Variants in RIMBP2 observed in about 807,000 individuals in gnomAD.
The protein encoded by RIMBP2 is RIMS-binding protein 2.
A neutral mutation model predicts 118.6 loss-of-function variants in RIMBP2; 48 were observed. That is an observed-to-expected ratio of 0.40 (90% CI 0.32 to 0.51). The LOEUF (loss-of-function observed/expected upper bound fraction) is 0.51. Ranked by LOEUF, RIMBP2 falls within the 20% of genes least tolerant of loss-of-function variation. The pLI is 0.41. For synonymous variants in RIMBP2, 762 were observed against 742.9 expected (o/e 1.03, Z -0.42); for missense variants, 1,551 against 1,768.3 (o/e 0.88, Z 2.20).
chr12:130,659,802 A>G (rs150677210), intron 1 of RIMBP2, among the ~76,000 whole-genome samples: 7 of 151,660 alleles, frequency 4.6e-5, no homozygotes, highest in Non-Finnish European at 2.9e-5. Flanking sequence ...GTGAAACCTC[A>G]TCTCTACTAA....
intron 1 of RIMBP2, among the ~76,000 whole-genome samples, chr12:130,690,967 C>T (rs1378614191): frequency 2.0e-5 from 3 of 152,102 alleles, no homozygotes; most frequent in Non-Finnish European, 1.5e-5. Context: ...GTGAGATGCC[C>T]TGTAATTCAC....
intron 14 of RIMBP2, chr12:130,429,429 A>T (rs908672090): frequency 1.3e-5 from 2 of 152,192 alleles, no homozygotes; most frequent in African/African-American, 4.8e-5. Context: ...CTGGGTTTCC[A>T]CTCACAGAGA....
intron 18 of RIMBP2, among the ~76,000 whole-genome samples, 178 bp from the exon 19 acceptor site, chr12:130,412,965 C>T (rs935282496): frequency 6.6e-6 from 1 of 152,136 alleles, no homozygotes; most frequent in East Asian, 1.9e-4. Context: ...ATGTAACCCT[C>T]GCTCTATGAC....
intron 14 of RIMBP2, chr12:130,429,405 G>A (rs1286395140): frequency 2.6e-5 from 4 of 152,198 alleles, no homozygotes; most frequent in East Asian, 1.9e-4. Context: ...CAGTGATGGT[G>A]CCAGCAGCAG....
chr12:130,621,263 G>A lies in RIMBP2; in HGVS notation c.-217+7059C>T, dbSNP rs1258637339. Among the ~76,000 whole-genome samples the A allele has an allele frequency of 6.6e-6, 1 of 152,144 alleles. No individual in the cohort carries two copies. The highest frequency in any genetic ancestry group is 1.5e-5 in the Non-Finnish European group (1 of 68,020). ...CCTCCCCATGAGAGAAAAGCAGGGGGCACGTGCCATGGTCGTACACAGCCC... is the reference window on the plus strand; with the variant it reads ...CCTCCCCATGAGAGAAAAGCAGGGGACACGTGCCATGGTCGTACACAGCCC... On this transcript the variant is annotated intron_variant, in intron 2 of 22. Coordinates refer to ENST00000690449, the MANE Select transcript of RIMBP2 (RefSeq NM_001393629.1). This position sits in a 1 kb window ranked among gnomAD's most constrained non-coding sequence, Gnocchi z 6.6.
In RIMBP2 at chr12:130,419,119, G is replaced by A. The variant is rs1371341429; in HGVS notation, c.3238+3334C>T. Among the ~76,000 whole-genome samples, 1 of 152,194 alleles carries A rather than the reference G, an allele frequency of 6.6e-6. No individual in the cohort carries two copies. The highest frequency in any genetic ancestry group is 1.5e-5 in the Non-Finnish European group (1 of 68,042). ...ACCAAACCTCGACAGGGAAAGAGTAGCAGCCTCCCTGGAATGTGTCCATGG... is the reference window on the plus strand; with the variant it reads ...ACCAAACCTCGACAGGGAAAGAGTAACAGCCTCCCTGGAATGTGTCCATGG... On this transcript the variant is annotated intron_variant, in intron 17 of 22. Transcript: ENST00000690449. This position sits in a 1 kb window ranked among gnomAD's most constrained non-coding sequence, Gnocchi z 4.3.
chr12:130,434,948 A>G lies in RIMBP2; in HGVS notation c.2107-68T>C. The G allele has an allele frequency of 1.3e-6, 2 of 1,504,616 alleles. No individual in the cohort carries two copies. Among genetic ancestry groups the G allele is most frequent in the Non-Finnish European group, 1.8e-6 (2 of 1,121,174 alleles). 93.2% of individuals were successfully genotyped at this position (1,504,616 alleles called of 1,614,324 possible). A position where few individuals can be genotyped will look rare whatever the true frequency, so the allele number is the denominator to read the frequency against. ...TTCAGCTACGCTCAGCCCCACCTGC[A>G]TTCACCAAACCTTCAGCCCCTCAGA... On this transcript the variant is annotated intron_variant, in intron 13 of 22. Transcript: ENST00000690449. This position sits in a 1 kb window ranked among gnomAD's most constrained non-coding sequence, Gnocchi z 5.7.
chr12:130,436,112 G>A (rs145627018), intron 13 of RIMBP2, among the ~76,000 whole-genome samples: 71 of 152,324 alleles, frequency 4.7e-4, no homozygotes, highest in South Asian at 1.4e-3. Context: ...GTGGGGATGC[G>A]GGCACACGTT....
At chr12:130,563,418 T>C (rs565984450) in intron 2 of RIMBP2, among the ~76,000 whole-genome samples, 3 of 152,326 alleles carry the variant, frequency 2.0e-5, no homozygotes, top group East Asian at 3.9e-4. Flanking sequence ...TGAAAGTCAA[T>C]GGGGTTGAAT....
intron 2 of RIMBP2, among the ~76,000 whole-genome samples, chr12:130,535,360 T>C (rs1463937744): frequency 6.6e-6 from 1 of 151,808 alleles, no homozygotes; most frequent in East Asian, 1.9e-4. Context: ...AAAAAATTGT[T>C]TTTAATTAGC....
chr12:130,514,198 C>T (rs1372372888), intron 3 of RIMBP2, among the ~76,000 whole-genome samples: 1 of 152,254 alleles, frequency 6.6e-6, no homozygotes, highest in Non-Finnish European at 1.5e-5. Flanking sequence ...ACTGCTATTC[C>T]TGTCCATGCC....
chr12:130,489,633 C>T (rs1486446374), intron 4 of RIMBP2, among the ~76,000 whole-genome samples: 2 of 152,164 alleles, frequency 1.3e-5, no homozygotes, highest in African/African-American at 4.8e-5. Context: ...ATCATCACCC[C>T]CACTGTCCCT....
intron 1 of RIMBP2, among the ~76,000 whole-genome samples, chr12:130,669,976 C>CAGATATAAT (rs1310014991): frequency 2.6e-5 from 4 of 152,104 alleles, no homozygotes; most frequent in Non-Finnish European, 4.4e-5. Context: ...AGAAGCTTTG[C>CAGATATAAT]AGATATAATT....
Position 130,548,688 on chromosome 12 carries a change from C to T in RIMBP2, c.-216-30771G>A, listed in dbSNP as rs528783653. Reference sequence around the variant, plus strand: ...TCCCGGGTTCAAGCAATTCTTCTGCCTCAGCCTCCCAAGTAGCTGGGACTA... The same window carrying T: ...TCCCGGGTTCAAGCAATTCTTCTGCTTCAGCCTCCCAAGTAGCTGGGACTA... On this transcript the variant is annotated intron_variant, in intron 2 of 22. Transcript: ENST00000690449. 2.6e-5 allele frequency among the ~76,000 whole-genome samples: 4 copies of T among 152,232 alleles called. No individual in the cohort carries two copies. In the East Asian group the frequency reaches 5.8e-4, roughly 22 times the overall value.
intron 15 of RIMBP2, chr12:130,425,292 G>A (rs34584432): frequency 0.096 from 15,271 of 159,074 alleles, 855 homozygotes; most frequent in East Asian, 0.19. Context: ...TGTGACTGGA[G>A]ACAGTTCACC....
intron 1 of RIMBP2, among the ~76,000 whole-genome samples, chr12:130,709,522 A>G (rs1458599894): frequency 6.6e-6 from 1 of 152,228 alleles, no homozygotes; most frequent in Non-Finnish European, 1.5e-5. Flanking sequence ...AGCGCTTTAC[A>G]GACCTGGAGC....
chr12:130,508,141 C>T (rs1187545854), intron 3 of RIMBP2, among the ~76,000 whole-genome samples: 1 of 152,300 alleles, frequency 6.6e-6, no homozygotes, highest in East Asian at 1.9e-4. Context: ...TTCTGAACCT[C>T]AATACCCTGG....
At chr12:130,664,447 G>GTGCACACA (rs1566439284) in intron 1 of RIMBP2, among the ~76,000 whole-genome samples, 15 of 122,500 alleles carry the variant, frequency 1.2e-4, no homozygotes, top group Non-Finnish European at 2.1e-4. Context: ...ACGCACACAC[G>GTGCACACA]CACACACATG....
At chr12:130,530,396 T>C (rs1488487414) in intron 2 of RIMBP2, among the ~76,000 whole-genome samples, 8 of 152,224 alleles carry the variant, frequency 5.3e-5, no homozygotes, top group African/African-American at 1.9e-4. Flanking sequence ...TAGTAATTTA[T>C]AAGCTATTTT....
Sources: gnomAD v4.1 joint callset for allele counts (sites outside exome capture counted in the v4.1 genomes callset) on GRCh38, gnomAD v4.1.1 for gene constraint, Gnocchi (gnomAD v3.1) non-coding constraint, MANE v1.5 for transcripts, NCBI Gene and HGNC (gene_info 2026-07-23, HGNC 2026-07-21) for gene names.